GAS6: variants seen among roughly 807,000 people sequenced by gnomAD.
GAS6 encodes growth arrest specific 6, also known as growth arrest-specific protein 6.
In GAS6, 41 loss-of-function variants were observed where a neutral mutation model predicts 75.8. The ratio of observed to expected loss-of-function variants is 0.54; its 90% CI spans 0.42 to 0.70. The LOEUF (loss-of-function observed/expected upper bound fraction) is 0.70, where lower values mean the gene tolerates loss of function less well. Ranked by LOEUF, GAS6 falls within the 30% of genes least tolerant of loss-of-function variation. The pLI, the probability that GAS6 is intolerant of heterozygous loss-of-function variation, is 0.00. For synonymous variants in GAS6, 432 were observed against 412.6 expected, an observed-to-expected ratio of 1.05 and a Z score of -0.57; for missense variants, 854 against 940.2, an observed-to-expected ratio of 0.91 and a Z score of 1.20.
At chr13:113,847,800 A>G (rs1400419132) in intron 3 of GAS6, 82 of 578,588 alleles carry the variant, frequency 1.4e-4, no homozygotes, top group Non-Finnish European at 1.2e-5. Flanking sequence ...GTTTGCAGAT[A>G]ACAGCATTCA....
intron 2 of GAS6, among the ~76,000 whole-genome samples, chr13:113,859,631 T>G (rs1321704985): frequency 6.6e-6 from 1 of 152,182 alleles, no homozygotes; most frequent in Non-Finnish European, 1.5e-5. Context: ...TGCATGTATA[T>G]CTGTGTCTAT....
At position 113,832,624 on chromosome 13, in the gene GAS6, ACCT is replaced by A. The variant is rs2138631180; in HGVS notation, c.953+7_953+9del. On this transcript the variant is annotated splice_region_variant and intron_variant, in intron 9 of 14. Coordinates refer to ENST00000327773, the MANE Select transcript of GAS6 (RefSeq NM_000820.4). ...CTAAGTTGTGTTGCCTCCTGTGGAC[ACCT>A]CCTCACCTGGTGGGCTGCAGCCTCT... 2.5e-6 allele frequency: 4 copies of A among 1,612,364 alleles called. No individual in the cohort carries two copies. The East Asian group carries it at 8.9e-5, about 36-fold the overall frequency.
At chr13:113,835,146 G>A (rs1013248107) in intron 7 of GAS6, among the ~76,000 whole-genome samples, 7 of 152,148 alleles carry the variant, frequency 4.6e-5, no homozygotes, top group South Asian at 2.1e-4. Flanking sequence ...GAGGCTCTAC[G>A]GCCAACAGGG....
At chr13:113,840,961 C>A (rs1035650733) in intron 4 of GAS6, 10 of 152,480 alleles carry the variant, frequency 6.6e-5, no homozygotes, top group African/African-American at 2.4e-4. Flanking sequence ...GGCCCTAGGG[C>A]ACTGGGCCAG....
At chr13:113,861,780 C>T (rs1267634998) in intron 2 of GAS6, among the ~76,000 whole-genome samples, 1 of 152,178 alleles carries the variant, frequency 6.6e-6, no homozygotes, top group Admixed American at 6.5e-5. Flanking sequence ...AAACAGACAG[C>T]AAGCTAATGG....
In GAS6 at chr13:113,844,301, A is replaced by G. The variant is rs758759598; in HGVS notation, c.343+2226T>C. On this transcript the variant is annotated intron_variant, in intron 4 of 14. Coordinates refer to ENST00000327773, the MANE Select transcript of GAS6 (RefSeq NM_000820.4). This position sits in a 1 kb window ranked among gnomAD's most constrained non-coding sequence, Gnocchi z 5.7. ...CGCACTTGGGGACGCTGATGCCACA[A>G]AGGAAATAACCAAAACAAGATAACT... The G allele has an allele frequency of 9.1e-4, 138 of 150,950 alleles. 2 individuals are homozygous for G. The highest frequency in any genetic ancestry group is 1.8e-3 in the Non-Finnish European group (123 of 68,028). 9.4% of individuals were successfully genotyped at this position (150,950 alleles called of 1,614,324 possible).
chr13:113,859,015 T>G (rs114158293), intron 2 of GAS6, among the ~76,000 whole-genome samples: 1 of 151,758 alleles, frequency 6.6e-6, no homozygotes, highest in Non-Finnish European at 1.5e-5. Context: ...TGTCTGTTAG[T>G]ATGTGTGCCT....
At chr13:113,823,644 G>C (rs7987377) in intron 12 of GAS6, 94 bp from the exon 13 acceptor site, 99,125 of 1,273,642 alleles carry the variant, frequency 0.078, 8,009 homozygotes, top group African/African-American at 0.4. Flanking sequence ...GTCCCAGCCG[G>C]GGTGGGAAGC....
intron 14 of GAS6, 82 bp downstream of exon 14, chr13:113,821,876 C>T: frequency 5.4e-6 from 6 of 1,113,738 alleles, no homozygotes; most frequent in Non-Finnish European, 7.4e-6. Context: ...AAACCCCAGC[C>T]TGTCCAGGTT....
intron 5 of GAS6, among the ~76,000 whole-genome samples, chr13:113,838,510 A>G (rs1318595720): frequency 7.4e-6 from 1 of 135,510 alleles, no homozygotes; most frequent in Non-Finnish European, 1.6e-5. Flanking sequence ...CCGGGGGTGC[A>G]CAGCCCAGCC....
rs2051466010 is a variant in GAS6, at chr13:113,821,997, G to A, written c.1843C>T (p.Leu615=). The change falls in exon 14 of 15, where the codon CTG becomes TTG. Residue 615 remains leucine, a synonymous_variant. Transcript: ENST00000327773. The part of the protein sequence containing the change: ...QERLAVLERH[L]RSPVLTFAGG... ...GCAAAGGTGAGCACGGGGCTCCGCA[G>A]GTGCCTCTCGAGCACGGCCAGCCTC... 1.3e-6 allele frequency: 2 copies of A among 1,552,044 alleles called. No homozygotes were observed. Among genetic ancestry groups the A allele is most frequent in the East Asian group, 2.4e-5 (1 of 41,816 alleles).
chr13:113,850,047 G>C (rs996095662), intron 2 of GAS6, among the ~76,000 whole-genome samples: 15 of 152,186 alleles, frequency 9.9e-5, no homozygotes, highest in African/African-American at 3.6e-4. Flanking sequence ...GTTGTCCTGA[G>C]AACATTCTGG....
rs181898451 is a variant in GAS6 at position 113,825,017 on chromosome 13, G to A, written c.1478-1467C>T. Among the ~76,000 whole-genome samples, 166 of 152,068 alleles carry A rather than the reference G, an allele frequency of 1.1e-3. 1 individual carries two copies. The highest frequency in any genetic ancestry group is 3.5e-3 in the African/African-American group (147 of 41,456). ...GTGGATCACCTAAGGTCGGGAGTTC[G>A]AGACCAACCTGACCAACATGGAGAA... On this transcript the variant is annotated intron_variant, in intron 12 of 14. Transcript: ENST00000327773.
chr13:113,833,547 CAT>C, intron 8 of GAS6: 1 of 1,005,126 alleles, frequency 9.9e-7, no homozygotes, highest in Non-Finnish European at 1.2e-6. Flanking sequence ...GAAACGTCCA[CAT>C]GTGGGTACTG....
At chr13:113,860,747 G>A (rs2051964716) in intron 2 of GAS6, among the ~76,000 whole-genome samples, 1 of 152,164 alleles carries the variant, frequency 6.6e-6, no homozygotes, top group Admixed American at 6.5e-5. Context: ...GAGGAATGTC[G>A]GGGGAGGGGC....
At chr13:113,843,323 A>G in intron 4 of GAS6, 1 of 153,354 alleles carries the variant, frequency 6.5e-6, no homozygotes, top group Non-Finnish European at 1.4e-5. Flanking sequence ...GACAGGAGGG[A>G]GCGGCTGTGG....
At chr13:113,829,866 G>A (rs955450368) in intron 10 of GAS6, among the ~76,000 whole-genome samples, 1 of 151,326 alleles carries the variant, frequency 6.6e-6, no homozygotes, top group Non-Finnish European at 1.5e-5. Flanking sequence ...AGCCAAGAGG[G>A]TCCCAATCTC....
chr13:113,834,054 C>A (rs532069483), intron 8 of GAS6, among the ~76,000 whole-genome samples: 1 of 134,660 alleles, frequency 7.4e-6, no homozygotes, highest in Non-Finnish European at 1.6e-5. Context: ...GTGATAGGCC[C>A]CGGTGTGACA....
Position 113,827,092 on chromosome 13 carries a change from T to A in GAS6, c.1381A>T (p.Thr461Ser). Residue 461 changes from threonine to serine, a missense_variant, in exon 12 of 15, where the codon ACG becomes TCG. Thr to Ser is a moderately conservative substitution (Grantham distance 58, BLOSUM62 1). Transcript: ENST00000327773. ...TGCATCCTCGTGTTCACTTTCACCGTTTCCTGGATGGTGGTGTCTTCTCCG... is the reference window on the plus strand; with the variant it reads ...TGCATCCTCGTGTTCACTTTCACCGATTCCTGGATGGTGGTGTCTTCTCCG... ...LNGEDTTIQE[T>S]VKVNTRMQCF... The A allele has an allele frequency of 1.2e-6, 2 of 1,613,496 alleles. No homozygotes were observed. Among genetic ancestry groups the A allele is most frequent in the South Asian group, 2.2e-5 (2 of 91,040 alleles).
Sources: gnomAD v4.1 joint callset for allele counts (sites outside exome capture counted in the v4.1 genomes callset) on GRCh38, gnomAD v4.1.1 for gene constraint, Gnocchi (gnomAD v3.1) non-coding constraint, MANE v1.5 for transcripts, NCBI Gene and HGNC (gene_info 2026-07-23, HGNC 2026-07-21) for gene names.